PTGDR: variants seen among roughly 807,000 people sequenced by gnomAD.
PTGDR encodes the protein PGD2 receptor.
In PTGDR, 19 loss-of-function variants were observed where a neutral mutation model predicts 17.4. The observed-to-expected ratio is 1.09, with a 90% CI of 0.76 to 1.60. The LOEUF is 1.60. Ranked by LOEUF, PTGDR falls within the 40% of genes most tolerant of loss-of-function variation. The pLI is 0.00. For synonymous variants in PTGDR, 267 were observed against 224.2 expected, an observed-to-expected ratio of 1.19 and a Z score of -1.71; for missense variants, 526 against 481.9, an observed-to-expected ratio of 1.09 and a Z score of -0.86.
At chr14:52,273,322 G>C (rs2033357588) in intron 1 of PTGDR, among the ~76,000 whole-genome samples, 1 of 152,114 alleles carries the variant, frequency 6.6e-6, no homozygotes. Context: ...CTGAAAATAT[G>C]TTATATGCCT....
intron 1 of PTGDR, among the ~76,000 whole-genome samples, chr14:52,273,037 T>C (rs1002820204): frequency 3.9e-5 from 6 of 152,248 alleles, no homozygotes; most frequent in Admixed American, 2.6e-4. Context: ...TTTGAGACAG[T>C]GTTTCACTCT....
At chr14:52,277,308 G>A (rs899400695), downstream of PTGDR, among the ~76,000 whole-genome samples, 2 of 152,194 alleles carry the variant, frequency 1.3e-5, no homozygotes, top group Admixed American at 6.5e-5. Context: ...ACAGGAAGAA[G>A]ATGCATTGAA....
downstream of PTGDR, among the ~76,000 whole-genome samples, chr14:52,278,554 C>T (rs1470104847): frequency 6.6e-6 from 1 of 152,016 alleles, no homozygotes; most frequent in East Asian, 1.9e-4. Flanking sequence ...CAACATGGCA[C>T]AGGTATACAT....
chr14:52,278,932 T>C (rs1189039072), downstream of PTGDR, among the ~76,000 whole-genome samples: 3 of 152,218 alleles, frequency 2.0e-5, no homozygotes, highest in African/African-American at 4.8e-5. Context: ...GAAATTTCCA[T>C]TGAAATACGT....
downstream of PTGDR, among the ~76,000 whole-genome samples, chr14:52,280,745 T>C (rs1455728607): frequency 1.3e-5 from 2 of 152,244 alleles, no homozygotes; most frequent in African/African-American, 2.4e-5. Context: ...GACAAAGGCA[T>C]GAATGACTGT....
rs549584089 is a variant in PTGDR at position 52,267,706 on chromosome 14, G to A, written c.-109G>A. 12 of 1,427,158 alleles carry A rather than the reference G, an allele frequency of 8.4e-6. No individual in the cohort carries two copies. In the African/African-American group the frequency reaches 1.5e-4, roughly 17 times the overall value. The allele number at this position is 1,427,158 out of a possible 1,614,324, so 88.4% of individuals were successfully genotyped here. A position where few individuals can be genotyped will look rare whatever the true frequency, so the allele number is the denominator to read the frequency against. On this transcript the variant is annotated 5_prime_UTR_variant, in exon 1 of 2. Coordinates refer to ENST00000306051, the MANE Select transcript of PTGDR (RefSeq NM_000953.3). Reference sequence around the variant, plus strand: ...CCCTCGGAGCTTTTTCTGTGGCGCAGCTTCTCCGCCCGAGCCGCGCGCGGA... The same window carrying A: ...CCCTCGGAGCTTTTTCTGTGGCGCAACTTCTCCGCCCGAGCCGCGCGCGGA...
At position 52,268,276 on chromosome 14, in the gene PTGDR, G is replaced by A. The variant is rs201634822; in HGVS notation, c.462G>A (p.Pro154=). 729 of 1,613,914 alleles carry A rather than the reference G, an allele frequency of 4.5e-4. 11 individuals carry two copies. The South Asian group carries it at 7.0e-3, about 16-fold the overall frequency. The change falls in exon 1 of 2, where the codon CCG becomes CCA. Residue 154 remains proline (P), a synonymous_variant. Transcript: ENST00000306051. The part of the protein sequence containing the change: ...ITLRLGALVA[P]VVSAFSLAFC... ...TGCGCCTGGGCGCACTGGTGGCCCC[G>A]GTGGTGAGCGCCTTCTCCCTGGCTT...
intron 1 of PTGDR, chr14:52,269,475 A>C: frequency 1.3e-6 from 2 of 1,535,224 alleles, no homozygotes; most frequent in Non-Finnish European, 1.7e-6. Context: ...AGTCCCCGCC[A>C]AGACACCTGG....
chr14:52,270,276 G>A lies in PTGDR; in HGVS notation c.846+1616G>A, dbSNP rs41312460. Among the ~76,000 whole-genome samples, 887 of 152,224 alleles carry A rather than the reference G, an allele frequency of 5.8e-3. 5 individuals are homozygous for A. Among genetic ancestry groups the A allele is most frequent in the Middle Eastern group, 0.034 (10 of 294 alleles). On this transcript the variant is annotated intron_variant, in intron 1 of 1. Coordinates refer to ENST00000306051, the MANE Select transcript of PTGDR (RefSeq NM_000953.3). ...AAAAAAATTGTACTCAGCCGGGAGCGGTGACTCACGCCTGTAATCACAGCA... is the reference window on the plus strand; with the variant it reads ...AAAAAAATTGTACTCAGCCGGGAGCAGTGACTCACGCCTGTAATCACAGCA...
chr14:52,274,708 T>G (rs771566898), intron 1 of PTGDR, 23 bp from the exon 2 acceptor site: 1 of 1,549,932 alleles, frequency 6.5e-7, no homozygotes, highest in South Asian at 1.1e-5. Flanking sequence ...CACATCATAA[T>G]GGAATGTTTT....
Position 52,268,061 on chromosome 14 carries a change from G to T in PTGDR, c.247G>T (p.Val83Leu). ...GGGCAAGTGCCTCCTAAGCCCGGTG[G>T]TGCTGGCTGCCTACGCTCAGAACCG... ...LLGKCLLSPVVLAAYAQNRSL... is the reference protein window; with the variant it reads ...LLGKCLLSPVLLAAYAQNRSL... Residue 83 changes from valine (V) to leucine (L), a missense_variant, in exon 1 of 2, where the codon GTG becomes TTG. Coordinates refer to ENST00000306051, the MANE Select transcript of PTGDR (RefSeq NM_000953.3). 1 of 1,612,996 alleles carries T rather than the reference G, an allele frequency of 6.2e-7. No homozygotes were observed. The highest frequency in any genetic ancestry group is 1.1e-5 in the South Asian group (1 of 91,092).
intron 1 of PTGDR, among the ~76,000 whole-genome samples, chr14:52,271,697 C>T (rs1325356377): frequency 6.6e-6 from 1 of 152,232 alleles, no homozygotes; most frequent in Non-Finnish European, 1.5e-5. Flanking sequence ...GGATAAACAA[C>T]CACATATTCT....
chr14:52,273,098 G>A (rs537947793), intron 1 of PTGDR, among the ~76,000 whole-genome samples: 1 of 151,984 alleles, frequency 6.6e-6, no homozygotes, highest in Non-Finnish European at 1.5e-5. Context: ...CTACAACCTC[G>A]GCCTCCCAGG....
downstream of PTGDR, among the ~76,000 whole-genome samples, chr14:52,279,305 T>G (rs1345777021): frequency 6.6e-6 from 1 of 152,174 alleles, no homozygotes; most frequent in Non-Finnish European, 1.5e-5. Flanking sequence ...GGAGAAAATA[T>G]TTTTGCTCTA....
chr14:52,279,644 G>T (rs532673565), downstream of PTGDR, among the ~76,000 whole-genome samples: 326 of 152,206 alleles, frequency 2.1e-3, 2 homozygotes, highest in Non-Finnish European at 2.8e-3. Context: ...GAATGAATCA[G>T]CAGATCTCGC....
At chr14:52,269,582 G>A (rs1482566582) in intron 1 of PTGDR, 1 of 1,438,162 alleles carries the variant, frequency 7.0e-7, no homozygotes, top group African/African-American at 1.4e-5. Context: ...AAATTCCATT[G>A]CCAATCCCAC....
chr14:52,270,685 C>G (rs1275916071), intron 1 of PTGDR, among the ~76,000 whole-genome samples: 1 of 152,166 alleles, frequency 6.6e-6, no homozygotes, highest in East Asian at 1.9e-4. Flanking sequence ...TAGTTACTAT[C>G]TGGTCCTTTA....
In PTGDR at chr14:52,268,587, T is replaced by G; in HGVS notation, c.773T>G (p.Leu258Arg). 6.2e-7 allele frequency: 1 copy of G among 1,611,558 alleles called. No individual in the cohort carries two copies. The highest frequency in any genetic ancestry group is 2.2e-5 in the East Asian group (1 of 44,838). Residue 258 changes from leucine to arginine, a missense_variant, in exon 1 of 2, where the codon CTG becomes CGG. By Grantham distance (102) the Leu-to-Arg change is moderately radical. Transcript: ENST00000306051. ...ADGREASPQP[L>R]EELDHLLLLA... Reference sequence around the variant, plus strand: ...GGGAGGGAAGCGTCCCCTCAGCCCCTGGAGGAGCTGGATCACCTCCTGCTG... The same window carrying G: ...GGGAGGGAAGCGTCCCCTCAGCCCCGGGAGGAGCTGGATCACCTCCTGCTG...
Position 52,274,957 on chromosome 14 carries a change from G to T in PTGDR, c.1073G>T (p.Ser358Ile), listed in dbSNP as rs772725500. The T allele has an allele frequency of 9.0e-6, 14 of 1,554,422 alleles. No individual in the cohort carries two copies. The East Asian group carries it at 3.1e-4, about 35-fold the overall frequency. Residue 358 changes from serine (S) to isoleucine (I), a missense_variant, in exon 2 of 2, where the codon AGT (serine) becomes ATT (isoleucine). Coordinates refer to ENST00000306051, the MANE Select transcript of PTGDR (RefSeq NM_000953.3). ...RCSNSTNMES[S>I]L ...AGCAATTCCACTAACATGGAATCCAGTCTGTGACAGTGTTTTTCACTCTGT... is the reference window on the plus strand; with the variant it reads ...AGCAATTCCACTAACATGGAATCCATTCTGTGACAGTGTTTTTCACTCTGT...
Sources: allele counts gnomAD v4.1 joint callset (sites outside exome capture counted in the v4.1 genomes callset), GRCh38; gene constraint gnomAD v4.1.1; transcripts MANE v1.5; gene names NCBI Gene and HGNC (gene_info 2026-07-23, HGNC 2026-07-21).